Variants in PTPRD observed in about 807,000 individuals in gnomAD.
The protein encoded by PTPRD is protein tyrosine phosphatase receptor type D, also known as receptor-type tyrosine-protein phosphatase delta.
In PTPRD, 34 loss-of-function variants were observed where a neutral mutation model predicts 214.5. The observed-to-expected ratio is 0.16, with a 90% CI of 0.12 to 0.21. The LOEUF is 0.21. Ranked by LOEUF, PTPRD falls within the 10% of genes least tolerant of loss-of-function variation. PTPRD has a pLI of 1.00. For missense variants in PTPRD, 2,545 were observed against 2,398.7 expected, an observed-to-expected ratio of 1.06 and a Z score of -1.27; for synonymous variants, 1,128 against 845.7, an observed-to-expected ratio of 1.33 and a Z score of -5.79.
At chr9:10,006,358 C>T (rs1041556092) in intron 4 of PTPRD, among the ~76,000 whole-genome samples, 2 of 151,928 alleles carry the variant, frequency 1.3e-5, no homozygotes, top group African/African-American at 4.8e-5. Context: ...TATATAGCCA[C>T]TTTGAAAATT....
chr9:9,026,338 A>T lies in PTPRD; in HGVS notation c.-142-7603T>A, dbSNP rs143041473. ...AAGCCTGGTTTAAGACAGGTAAGAGAGGAGGTGTAGGCCAGATGTTAGATT... is the reference window on the plus strand; with the variant it reads ...AAGCCTGGTTTAAGACAGGTAAGAGTGGAGGTGTAGGCCAGATGTTAGATT... On this transcript the variant is annotated intron_variant, in intron 10 of 45. Transcript: ENST00000381196. Among the ~76,000 whole-genome samples the T allele has an allele frequency of 4.2e-3, 636 of 152,062 alleles. 3 individuals are homozygous for T. The highest frequency in any genetic ancestry group is 7.0e-3 in the Non-Finnish European group (477 of 67,934).
intron 2 of PTPRD, among the ~76,000 whole-genome samples, chr9:10,364,007 T>TTTTG (rs2097457213): frequency 7.5e-6 from 1 of 133,180 alleles, no homozygotes. Flanking sequence ...TTTTTTTTTT[T>TTTTG]TTTTTTTTTT....
intron 10 of PTPRD, among the ~76,000 whole-genome samples, chr9:9,075,821 T>C (rs1030225294): frequency 1.3e-5 from 2 of 152,234 alleles, no homozygotes; most frequent in South Asian, 2.1e-4. Context: ...TGATGGAAAT[T>C]TGGCTTCTTT....
At chr9:9,485,695 T>C (rs1055429536) in intron 8 of PTPRD, among the ~76,000 whole-genome samples, 3 of 152,158 alleles carry the variant, frequency 2.0e-5, no homozygotes, top group Admixed American at 2.0e-4. Context: ...TCTTCTAAAG[T>C]ATTGCGATTC....
chr9:9,060,767 A>T (rs552963109), intron 10 of PTPRD, among the ~76,000 whole-genome samples: 2 of 152,320 alleles, frequency 1.3e-5, no homozygotes, highest in South Asian at 4.1e-4. Flanking sequence ...TAACCTACTC[A>T]CTATAATGGT....
chr9:10,047,312 C>CGTGTGTGTGTGTGTGTG (rs1316571345), intron 3 of PTPRD, among the ~76,000 whole-genome samples: 3,399 of 138,718 alleles, frequency 0.025, 114 homozygotes, highest in East Asian at 0.16. Flanking sequence ...AATCAACTAA[C>CGTGTGTGTGTGTGTGTG]TGTGTGTGTG....
intron 11 of PTPRD, among the ~76,000 whole-genome samples, chr9:8,748,253 G>C (rs1241260489): frequency 1.3e-5 from 2 of 152,078 alleles, no homozygotes; most frequent in Non-Finnish European, 2.9e-5. Flanking sequence ...AAGCCTAGCT[G>C]GGAAGGTGAC....
chr9:9,756,762 G>A lies in PTPRD; in HGVS notation c.-326+10048C>T, dbSNP rs181846636. On this transcript the variant is annotated intron_variant, in intron 6 of 45. Transcript: ENST00000381196. Reference sequence around the variant, plus strand: ...CTCAATAAAAAAATTAGTAGAGCAAGCAATTAAACCCTGTCAGATTCCAGA... The same window carrying A: ...CTCAATAAAAAAATTAGTAGAGCAAACAATTAAACCCTGTCAGATTCCAGA... Among the ~76,000 whole-genome samples the A allele has an allele frequency of 9.0e-4, 137 of 152,214 alleles. 1 individual carries two copies. The highest frequency in any genetic ancestry group is 2.6e-4 in the Non-Finnish European group (18 of 67,994).
chr9:9,478,426 T>A (rs2095221857), intron 8 of PTPRD, among the ~76,000 whole-genome samples: 1 of 152,224 alleles, frequency 6.6e-6, no homozygotes, highest in African/African-American at 2.4e-5. Flanking sequence ...ATTGAGCCCA[T>A]TAAATGTGAG....
chr9:8,456,191 C>T (rs1168296187), intron 33 of PTPRD, among the ~76,000 whole-genome samples: 1 of 152,128 alleles, frequency 6.6e-6, no homozygotes, highest in Non-Finnish European at 1.5e-5. Context: ...AAGACAGAGT[C>T]CTTGACCTGC....
At chr9:9,886,912 C>T (rs1429728816) in intron 5 of PTPRD, among the ~76,000 whole-genome samples, 1 of 152,060 alleles carries the variant, frequency 6.6e-6, no homozygotes, top group Non-Finnish European at 1.5e-5. Context: ...TGGAGCAGGC[C>T]AGATGGAGCA....
At chr9:9,937,433 A>T (rs1390001287) in intron 5 of PTPRD, among the ~76,000 whole-genome samples, 2 of 151,342 alleles carry the variant, frequency 1.3e-5, no homozygotes, top group African/African-American at 4.8e-5. Flanking sequence ...AAATAAAAAA[A>T]AAAAATAGTT....
rs10122956 is a variant in PTPRD at position 9,251,166 on chromosome 9, G to A, written c.-202-67803C>T. On this transcript the variant is annotated intron_variant, in intron 9 of 45. Transcript: ENST00000381196. ...TCAGAGATACATAAAAATCTAGTGC[G>A]GGCATTGCCAGCAATAGATCCCAGG... Among the ~76,000 whole-genome samples, 427 of 152,108 alleles carry A rather than the reference G, an allele frequency of 2.8e-3. 3 individuals carry two copies. Among genetic ancestry groups the A allele is most frequent in the African/African-American group, 9.4e-3 (390 of 41,526 alleles).
At chr9:8,615,689 T>C (rs2095590211) in intron 14 of PTPRD, among the ~76,000 whole-genome samples, 1 of 152,078 alleles carries the variant, frequency 6.6e-6, no homozygotes, top group African/African-American at 2.4e-5. Context: ...CTGTCTTTAT[T>C]TAATAGCTGT....
chr9:8,969,471 G>A (rs1267546235), intron 11 of PTPRD, among the ~76,000 whole-genome samples: 1 of 151,962 alleles, frequency 6.6e-6, no homozygotes, highest in South Asian at 2.1e-4. Context: ...GAGCTTGCTA[G>A]GTAAATGTAA....
At chr9:8,708,410 A>T (rs1346741877) in intron 12 of PTPRD, among the ~76,000 whole-genome samples, 1 of 152,096 alleles carries the variant, frequency 6.6e-6, no homozygotes, top group African/African-American at 2.4e-5. Flanking sequence ...GCAGTGGCTC[A>T]CATCTGTAAT....
At chr9:9,090,797 C>G (rs2154431414) in intron 10 of PTPRD, 1 of 684,278 alleles carries the variant, frequency 1.5e-6, no homozygotes, top group Non-Finnish European at 2.6e-6. Flanking sequence ...CTGCATTCTT[C>G]AAATAACTCT....
At chr9:10,127,803 T>C (rs974813651) in intron 3 of PTPRD, among the ~76,000 whole-genome samples, 2 of 152,156 alleles carry the variant, frequency 1.3e-5, no homozygotes, top group Non-Finnish European at 1.5e-5. Flanking sequence ...TTCCTCTCTT[T>C]CTAACATATT....
intron 9 of PTPRD, among the ~76,000 whole-genome samples, chr9:9,318,905 A>C (rs920371650): frequency 6.6e-6 from 1 of 152,164 alleles, no homozygotes; most frequent in Non-Finnish European, 1.5e-5. Context: ...AGATTCATGC[A>C]TTGATTTATG....
Sources: allele counts gnomAD v4.1 joint callset (sites outside exome capture counted in the v4.1 genomes callset), GRCh38; gene constraint gnomAD v4.1.1; transcripts MANE v1.5; gene names NCBI Gene and HGNC (gene_info 2026-07-23, HGNC 2026-07-21).